The following TTF2 variants were observed in gnomAD, a reference collection of about 807,000 sequenced individuals.
The protein encoded by TTF2 is RNA polymerase II termination factor.
TTF2 carries 108 observed loss-of-function variants against 142.4 expected under a neutral mutation model. That is an observed-to-expected ratio of 0.76 (90% CI 0.65 to 0.89). The LOEUF (loss-of-function observed/expected upper bound fraction) is 0.89. Among genes scored for constraint, TTF2 ranks in the 40% least tolerant of loss-of-function variants. TTF2 has a pLI of 0.00. For missense variants in TTF2, 1,327 were observed against 1,379.8 expected (o/e 0.96, Z 0.61); for synonymous variants, 483 against 506.2 (o/e 0.95, Z 0.61).
intron 3 of TTF2, among the ~76,000 whole-genome samples, chr1:117,065,520 C>T (rs1012737538): frequency 6.6e-6 from 1 of 152,136 alleles, no homozygotes; most frequent in African/African-American, 2.4e-5. Flanking sequence ...ATGGCGTGAA[C>T]CCGGAGGCAG....
rs140471648 is a variant in TTF2 at position 117,080,920 on chromosome 1, C to G, written c.1784-908C>G. Among the ~76,000 whole-genome samples the G allele has an allele frequency of 4.0e-3, 613 of 152,276 alleles. 2 individuals carry two copies. Among genetic ancestry groups the G allele is most frequent in the Non-Finnish European group, 5.1e-3 (346 of 68,008 alleles). On this transcript the variant is annotated intron_variant, in intron 9 of 22. Coordinates refer to ENST00000369466, the MANE Select transcript of TTF2 (RefSeq NM_003594.4). This position sits in a 1 kb window ranked among gnomAD's most constrained non-coding sequence, Gnocchi z 4.3. Reference sequence around the variant, plus strand: ...TAGGAAGCTCATTAGAGATTTAATGCCCAAGGTTTTTATTGGGGGCTGGTT... The same window carrying G: ...TAGGAAGCTCATTAGAGATTTAATGGCCAAGGTTTTTATTGGGGGCTGGTT...
Position 117,063,030 on chromosome 1 carries a change from A to G in TTF2, c.218+557A>G, listed in dbSNP as rs1655810568. Among the ~76,000 whole-genome samples, 1 of 152,192 alleles carries G rather than the reference A, an allele frequency of 6.6e-6. No homozygotes were observed. The highest frequency in any genetic ancestry group is 2.4e-5 in the African/African-American group (1 of 41,450). ...GAATTAACATGGCATTTTCAGGGAA[A>G]ATTTGATTTGTTAATAGTTTAACAT... On this transcript the variant is annotated intron_variant, in intron 3 of 22. Coordinates refer to ENST00000369466, the MANE Select transcript of TTF2 (RefSeq NM_003594.4). This position sits in a 1 kb window ranked among gnomAD's most constrained non-coding sequence, Gnocchi z 4.1.
At position 117,101,750 on chromosome 1, in the gene TTF2, A is replaced by T. The variant is rs1290989468; in HGVS notation, c.*226A>T. Reference sequence around the variant, plus strand: ...GTTAATAATTTATTTAATGAGTGGTATGGAAACCAATTGATTTTTTTAGAT... The same window carrying T: ...GTTAATAATTTATTTAATGAGTGGTTTGGAAACCAATTGATTTTTTTAGAT... On this transcript the variant is annotated 3_prime_UTR_variant, in exon 23 of 23. Coordinates refer to ENST00000369466, the MANE Select transcript of TTF2 (RefSeq NM_003594.4). The surrounding 1 kb of genome is among the most constrained non-coding windows in gnomAD (Gnocchi z 5.9). The T allele has an allele frequency of 5.1e-6, 2 of 391,072 alleles. No individual in the cohort carries two copies. Among genetic ancestry groups the T allele is most frequent in the African/African-American group, 4.1e-5 (2 of 48,358 alleles). The allele number at this position is 391,072 out of a possible 1,614,324, so 24.2% of individuals were successfully genotyped here. A position where few individuals can be genotyped will look rare whatever the true frequency, so the allele number is the denominator to read the frequency against.
intron 19 of TTF2, 82 bp from the exon 20 acceptor site, chr1:117,096,067 G>A (rs1273831448): frequency 4.0e-6 from 6 of 1,506,442 alleles, no homozygotes; most frequent in Non-Finnish European, 5.4e-6. Context: ...CTAACCTTAA[G>A]AATGATGAGG....
At chr1:117,061,392 A>G (rs563871199) in intron 2 of TTF2, among the ~76,000 whole-genome samples, 4 of 152,250 alleles carry the variant, frequency 2.6e-5, no homozygotes, top group Admixed American at 1.3e-4. Flanking sequence ...CCAAGTGTCT[A>G]CATTTTCTAT....
rs548624204 is a variant in TTF2 at position 117,086,807 on chromosome 1, G to A, written c.2160+285G>A. ...GTAATAATCACCTGAATATATAAAA[G>A]CCTTACTTGTTGCTATTTTTATTTT... On this transcript the variant is annotated intron_variant, in intron 12 of 22. Transcript: ENST00000369466. This position sits in a 1 kb window ranked among gnomAD's most constrained non-coding sequence, Gnocchi z 4.2. 6.6e-6 allele frequency among the ~76,000 whole-genome samples: 1 copy of A among 152,166 alleles called. No individual in the cohort carries two copies. Among genetic ancestry groups the A allele is most frequent in the East Asian group, 1.9e-4 (1 of 5,190 alleles).
chr1:117,102,387 A>C lies in TTF2; in HGVS notation c.*863A>C, dbSNP rs1440568611. ...CAGGCAGTTCTTCCTCTCAGGCTGA[A>C]GATCAAGGAGATGCTTTGTACATGA... On this transcript the variant is annotated 3_prime_UTR_variant, in exon 23 of 23. Transcript: ENST00000369466. The C allele has an allele frequency of 6.6e-6, 1 of 152,226 alleles. No individual in the cohort carries two copies. Among genetic ancestry groups the C allele is most frequent in the East Asian group, 1.9e-4 (1 of 5,196 alleles). The allele number at this position is 152,226 out of a possible 1,614,324, so 9.4% of individuals were successfully genotyped here.
Position 117,104,760 on chromosome 1 carries a change from T to C in TTF2, c.*3236T>C, listed in dbSNP as rs1021808392. On this transcript the variant is annotated 3_prime_UTR_variant, in exon 23 of 23. Coordinates refer to ENST00000369466, the MANE Select transcript of TTF2 (RefSeq NM_003594.4). Reference sequence around the variant, plus strand: ...ACATGAATTACATTGTGGAGCTGCATATGTGTCTCCCCTCTTCCCTCCCTG... The same window carrying C: ...ACATGAATTACATTGTGGAGCTGCACATGTGTCTCCCCTCTTCCCTCCCTG... 1 of 152,280 alleles carries C rather than the reference T, an allele frequency of 6.6e-6. No individual in the cohort carries two copies. The highest frequency in any genetic ancestry group is 6.5e-5 in the Admixed American group (1 of 15,280). The allele number at this position is 152,280 out of a possible 1,614,324, so 9.4% of individuals were successfully genotyped here. A position where few individuals can be genotyped will look rare whatever the true frequency, so the allele number is the denominator to read the frequency against.
chr1:117,065,395 G>T (rs1302132845), intron 3 of TTF2, among the ~76,000 whole-genome samples: 1 of 152,110 alleles, frequency 6.6e-6, no homozygotes, highest in Non-Finnish European at 1.5e-5. Context: ...TCAGGAGATC[G>T]AGACCATCAT....
intron 4 of TTF2, among the ~76,000 whole-genome samples, chr1:117,074,516 A>G (rs574833042): frequency 1.3e-5 from 2 of 152,198 alleles, no homozygotes; most frequent in African/African-American, 4.8e-5. Context: ...ATGTTCAGGA[A>G]ATATTGGACT....
intron 3 of TTF2, among the ~76,000 whole-genome samples, chr1:117,071,596 TATTG>T (rs2101376981): frequency 6.6e-6 from 1 of 151,840 alleles, no homozygotes; most frequent in South Asian, 2.1e-4. Flanking sequence ...TTTTAATACT[TATTG>T]ATTGAATACT....
chr1:117,068,373 A>G (rs1203455501), intron 3 of TTF2, among the ~76,000 whole-genome samples: 9 of 152,064 alleles, frequency 5.9e-5, no homozygotes, highest in Non-Finnish European at 1.3e-4. Flanking sequence ...GGCGTGGAAC[A>G]TCACATACTG....
At position 117,080,762 on chromosome 1, in the gene TTF2, C is replaced by G. The variant is rs142357388; in HGVS notation, c.1784-1066C>G. Among the ~76,000 whole-genome samples the G allele has an allele frequency of 6.6e-6, 1 of 152,166 alleles. No homozygotes were observed. Among genetic ancestry groups the G allele is most frequent in the Admixed American group, 6.5e-5 (1 of 15,284 alleles). On this transcript the variant is annotated intron_variant, in intron 9 of 22. Transcript: ENST00000369466. This position sits in a 1 kb window ranked among gnomAD's most constrained non-coding sequence, Gnocchi z 4.3. ...GTGAAAGGCTATAGATCAAAATCAA[C>G]AAAAGGAAAAGTCACAGGGGCAGAA...
At chr1:117,094,737 C>T (rs1458156208) in intron 18 of TTF2, 26 of 435,170 alleles carry the variant, frequency 6.0e-5, no homozygotes, top group Admixed American at 4.7e-4. Flanking sequence ...ATATTTGCCT[C>T]CTTGGAGTGT....
rs781030426 is a variant in TTF2, at chr1:117,076,621, T to G, written c.1391-20T>G. ...TAGTTTGCTGAACTTTAATCTGCTC[T>G]TCCCTTGTTTTCTGAGCAGGAACTA... On this transcript the variant is annotated intron_variant, in intron 6 of 22. Coordinates refer to ENST00000369466, the MANE Select transcript of TTF2 (RefSeq NM_003594.4). This position sits in a 1 kb window ranked among gnomAD's most constrained non-coding sequence, Gnocchi z 4.6. 1.6e-5 allele frequency: 26 copies of G among 1,593,052 alleles called. No homozygotes were observed. The highest frequency in any genetic ancestry group is 2.2e-5 in the Non-Finnish European group (26 of 1,168,282).
Position 117,076,304 on chromosome 1 carries a change from C to T in TTF2, c.1390+10C>T. ...CTTTCCCCAGAGCAAGGTAAAGTGG[C>T]TTATGCCTCAGAACTCCGGGTTTGC... On this transcript the variant is annotated intron_variant, in intron 6 of 22. Transcript: ENST00000369466. This position sits in a 1 kb window ranked among gnomAD's most constrained non-coding sequence, Gnocchi z 4.6. The T allele has an allele frequency of 6.2e-7, 1 of 1,608,040 alleles. No homozygotes were observed. The highest frequency in any genetic ancestry group is 1.1e-5 in the South Asian group (1 of 90,728).
Position 117,090,053 on chromosome 1 carries a change from AG to A in TTF2, c.2343del. ...CTGTGCCCTTCTTCCTCAACAAAAA[AG>A]GTTTCTCCGTTGCTCTCCATTTGAT... On this transcript the variant is annotated splice_acceptor_variant, in intron 13 of 22. Coordinates refer to ENST00000369466, the MANE Select transcript of TTF2 (RefSeq NM_003594.4). LOFTEE classifies it high-confidence loss of function. This position sits in a 1 kb window ranked among gnomAD's most constrained non-coding sequence, Gnocchi z 4.8. 3 of 1,612,080 alleles carry A rather than the reference AG, an allele frequency of 1.9e-6. No homozygotes were observed. The highest frequency in any genetic ancestry group is 2.5e-6 in the Non-Finnish European group (3 of 1,178,998).
chr1:117,101,650 C>A lies in TTF2; in HGVS notation c.*126C>A. ...TCAATTTCACCGTCAAGCCTTTCAC[C>A]TTCCTCAAAATGAGGCATAATCTTA... On this transcript the variant is annotated 3_prime_UTR_variant, in exon 23 of 23. Coordinates refer to ENST00000369466, the MANE Select transcript of TTF2 (RefSeq NM_003594.4). This position sits in a 1 kb window ranked among gnomAD's most constrained non-coding sequence, Gnocchi z 5.9. 9.0e-7 allele frequency: 1 copy of A among 1,114,980 alleles called. No homozygotes were observed. Among genetic ancestry groups the A allele is most frequent in the Non-Finnish European group, 1.2e-6 (1 of 837,132 alleles). 69.1% of individuals were successfully genotyped at this position (1,114,980 alleles called of 1,614,324 possible).
At chr1:117,065,394 C>G (rs550273731) in intron 3 of TTF2, among the ~76,000 whole-genome samples, 61 of 152,206 alleles carry the variant, frequency 4.0e-4, no homozygotes, top group East Asian at 1.7e-3. Context: ...GTCAGGAGAT[C>G]GAGACCATCA....
Sources: gnomAD v4.1 joint callset for allele counts (sites outside exome capture counted in the v4.1 genomes callset) on GRCh38, gnomAD v4.1.1 for gene constraint, Gnocchi (gnomAD v3.1) non-coding constraint, MANE v1.5 for transcripts, NCBI Gene and HGNC (gene_info 2026-07-23, HGNC 2026-07-21) for gene names.